Variants in ANKRD12 observed in about 807,000 individuals in gnomAD.
ANKRD12 encodes ankyrin repeat domain-containing protein 12.
In ANKRD12, 85 loss-of-function variants were observed where a neutral mutation model predicts 183.4. The observed-to-expected ratio is 0.46, with a 90% CI of 0.39 to 0.56. The LOEUF is 0.56. Ranked by LOEUF, ANKRD12 falls within the 20% of genes least tolerant of loss-of-function variation. ANKRD12 has a pLI of 0.00. For missense variants in ANKRD12, 2,405 were observed against 2,357.1 expected (o/e 1.02, Z -0.42); for synonymous variants, 914 against 800.2 (o/e 1.14, Z -2.40).
At chr18:9,226,998 G>A (rs566354259) in intron 8 of ANKRD12, among the ~76,000 whole-genome samples, 50 of 152,074 alleles carry the variant, frequency 3.3e-4, no homozygotes, top group Non-Finnish European at 2.6e-4. Flanking sequence ...TATAAAGGAC[G>A]TTATTAGATC....
chr18:9,166,672 G>T (rs1438001606), intron 1 of ANKRD12, among the ~76,000 whole-genome samples: 8 of 151,986 alleles, frequency 5.3e-5, no homozygotes, highest in African/African-American at 9.7e-5. Context: ...TAGGTTGCCT[G>T]TTCACTCTGA....
At chr18:9,267,489 A>G (rs933387236) in intron 10 of ANKRD12, among the ~76,000 whole-genome samples, 4 of 152,174 alleles carry the variant, frequency 2.6e-5, no homozygotes, top group Non-Finnish European at 4.4e-5. Flanking sequence ...ACTCAGCTAC[A>G]TGGAAACTGA....
At chr18:9,141,774 A>T (rs1009409790) in intron 1 of ANKRD12, among the ~76,000 whole-genome samples, 1 of 152,214 alleles carries the variant, frequency 6.6e-6, no homozygotes, top group African/African-American at 2.4e-5. Flanking sequence ...TACTCAGGCC[A>T]TAACTGGGAA....
At chr18:9,142,088 A>C (rs905494377) in intron 1 of ANKRD12, among the ~76,000 whole-genome samples, 1 of 152,116 alleles carries the variant, frequency 6.6e-6, no homozygotes, top group Non-Finnish European at 1.5e-5. Context: ...TAACAATAGC[A>C]AAGAGTTACA....
chr18:9,201,556 G>A (rs1287341188), intron 3 of ANKRD12, among the ~76,000 whole-genome samples: 1 of 152,130 alleles, frequency 6.6e-6, no homozygotes, highest in Non-Finnish European at 1.5e-5. Context: ...AAACATTTCT[G>A]TGATTCTTCA....
intron 1 of ANKRD12, among the ~76,000 whole-genome samples, chr18:9,165,782 G>A (rs1056813972): frequency 1.3e-4 from 20 of 150,146 alleles, no homozygotes; most frequent in Admixed American, 6.6e-4. Flanking sequence ...GGTTTTTTAC[G>A]TATGTATACA....
chr18:9,217,024 A>C (rs2036146169), intron 7 of ANKRD12, 124 bp downstream of exon 7: 1 of 886,470 alleles, frequency 1.1e-6, no homozygotes, highest in East Asian at 2.9e-5. Context: ...TGAACAACTC[A>C]TCTATATTTT....
intron 4 of ANKRD12, 66 bp downstream of exon 4, chr18:9,204,610 T>C: frequency 8.4e-7 from 1 of 1,190,030 alleles, no homozygotes; most frequent in Non-Finnish European, 1.2e-6. Context: ...TTAATTATTG[T>C]ACTATAAGTA....
At position 9,255,490 on chromosome 18, in the gene ANKRD12, G is replaced by A; in HGVS notation, c.2223G>A (p.Val741=). The change falls in exon 9 of 13, where the codon GTG becomes GTA. Residue 741 remains valine (V), a synonymous_variant. Coordinates refer to ENST00000262126, the MANE Select transcript of ANKRD12 (RefSeq NM_015208.5). ...KDDKSTKEKH[V]SKERNFKEER... Reference sequence around the variant, plus strand: ...ATAAATCAACCAAGGAAAAGCATGTGTCAAAAGAGAGGAACTTTAAAGAGG... The same window carrying A: ...ATAAATCAACCAAGGAAAAGCATGTATCAAAAGAGAGGAACTTTAAAGAGG... 6.4e-7 allele frequency: 1 copy of A among 1,569,822 alleles called. No homozygotes were observed. Among genetic ancestry groups the A allele is most frequent in the Non-Finnish European group, 8.6e-7 (1 of 1,167,076 alleles).
chr18:9,192,304 C>T (rs2034501990), intron 2 of ANKRD12, among the ~76,000 whole-genome samples: 1 of 152,132 alleles, frequency 6.6e-6, no homozygotes, highest in Non-Finnish European at 1.5e-5. Flanking sequence ...TCACTTTGTT[C>T]TTGCCATCAT....
In ANKRD12 at chr18:9,254,339, C is replaced by G. The variant is rs2038474587; in HGVS notation, c.1072C>G (p.Leu358Val). 1 of 1,612,538 alleles carries G rather than the reference C, an allele frequency of 6.2e-7. No homozygotes were observed. The highest frequency in any genetic ancestry group is 1.3e-5 in the African/African-American group (1 of 74,770). The change falls in exon 9 of 13, where the codon CTT (leucine) becomes GTT (valine). Residue 358 changes from leucine to valine, a missense_variant. This residue lies in a region of ANKRD12 where 1,983 missense variants were observed against 1,725.9 expected (regional missense o/e 1.15). Coordinates refer to ENST00000262126, the MANE Select transcript of ANKRD12 (RefSeq NM_015208.5). ...LPSKTPLPSALDEYEFKDDDD... is the reference protein window; with the variant it reads ...LPSKTPLPSAVDEYEFKDDDD... ...CAGTAAAACACCTCTTCCATCTGCC[C>G]TTGATGAGTATGAGTTCAAAGATGA... is the stretch of plus-strand genomic sequence containing the variant.
At chr18:9,137,238 T>A (rs1242111606) in intron 1 of ANKRD12, 1 of 147,440 alleles carries the variant, frequency 6.8e-6, no homozygotes, top group Non-Finnish European at 1.5e-5. Flanking sequence ...CCGCCGCCCC[T>A]CCCGGCGTCG....
intron 5 of ANKRD12, among the ~76,000 whole-genome samples, chr18:9,210,711 G>A (rs1396353077): frequency 3.5e-5 from 1 of 28,276 alleles, no homozygotes; most frequent in Non-Finnish European, 8.2e-5. Context: ...GGGCAACAGA[G>A]TGAGACTCTG....
At chr18:9,140,103 AC>A (rs2078265893) in intron 1 of ANKRD12, among the ~76,000 whole-genome samples, 1 of 152,224 alleles carries the variant, frequency 6.6e-6, no homozygotes. Context: ...ATCAGCTGCA[AC>A]TTTAAAAATA....
intron 2 of ANKRD12, among the ~76,000 whole-genome samples, chr18:9,189,566 T>TG (rs2034321332): frequency 6.6e-6 from 1 of 152,238 alleles, no homozygotes; most frequent in Non-Finnish European, 1.5e-5. Context: ...GAGGACAGGC[T>TG]CACTGTCTTG....
intron 8 of ANKRD12, among the ~76,000 whole-genome samples, chr18:9,232,892 C>G (rs2037135079): frequency 3.3e-5 from 5 of 151,598 alleles, no homozygotes; most frequent in Admixed American, 3.3e-4. Context: ...CTCTGTTGCC[C>G]AGGTTGGGGT....
At chr18:9,200,812 T>C (rs77595763) in intron 3 of ANKRD12, among the ~76,000 whole-genome samples, 1,968 of 152,322 alleles carry the variant, frequency 0.013, 49 homozygotes, top group African/African-American at 0.045. Flanking sequence ...TTTAATGCAG[T>C]AAGAAGGCCA....
chr18:9,167,796 A>G (rs139744449), intron 1 of ANKRD12, among the ~76,000 whole-genome samples: 2,230 of 152,292 alleles, frequency 0.015, 59 homozygotes, highest in African/African-American at 0.052. Flanking sequence ...GTCTTGTGCC[A>G]GTTTCCAAAG....
chr18:9,161,094 C>CTGTG (rs751741395), intron 1 of ANKRD12, among the ~76,000 whole-genome samples: 1 of 151,356 alleles, frequency 6.6e-6, no homozygotes, highest in Admixed American at 6.6e-5. Flanking sequence ...TTGCCTTGGC[C>CTGTG]TGTGTGTGTG....
Sources: allele counts gnomAD v4.1 joint callset (sites outside exome capture counted in the v4.1 genomes callset), GRCh38; gene constraint gnomAD v4.1.1; regional missense constraint gnomAD v4.1.1; transcripts MANE v1.5; gene names NCBI Gene and HGNC (gene_info 2026-07-23, HGNC 2026-07-21).